ADCY1: variants seen among roughly 807,000 people sequenced by gnomAD.
The protein encoded by ADCY1 is adenylate cyclase 1, also known as adenylate cyclase type 1.
A neutral mutation model predicts 105.4 loss-of-function variants in ADCY1; 28 were observed. The ratio of observed to expected loss-of-function variants is 0.27; its 90% confidence interval spans 0.20 to 0.36. The LOEUF is 0.36. Ranked by LOEUF, ADCY1 falls within the 10% of genes least tolerant of loss-of-function variation. ADCY1 has a pLI of 1.00. For synonymous variants in ADCY1, 655 were observed against 623.8 expected (o/e 1.05, Z -0.75); for missense variants, 977 against 1,434.2 (o/e 0.68, Z 5.15).
intron 5 of ADCY1, among the ~76,000 whole-genome samples, chr7:45,651,886 G>C (rs1184007277): frequency 6.6e-6 from 1 of 152,132 alleles, no homozygotes; most frequent in Non-Finnish European, 1.5e-5. Flanking sequence ...ATTCTGAGTG[G>C]GCAGAGGAAA....
At position 45,715,189 on chromosome 7, in the gene ADCY1, A is replaced by C. The variant is rs1316219469; in HGVS notation, c.*1194A>C. 6.6e-6 allele frequency: 1 copy of C among 152,376 alleles called. No individual in the cohort carries two copies. The highest frequency in any genetic ancestry group is 1.5e-5 in the Non-Finnish European group (1 of 68,134). 9.4% of individuals were successfully genotyped at this position (152,376 alleles called of 1,614,324 possible). ...AATAAGGATGATGGGGACGGGGTCCAGGAGGGCCACTGGGAAGGCACTATC... is the reference window on the plus strand; with the variant it reads ...AATAAGGATGATGGGGACGGGGTCCCGGAGGGCCACTGGGAAGGCACTATC... On this transcript the variant is annotated 3_prime_UTR_variant, in exon 20 of 20. Coordinates refer to ENST00000297323, the MANE Select transcript of ADCY1 (RefSeq NM_021116.4).
intron 6 of ADCY1, among the ~76,000 whole-genome samples, chr7:45,658,843 G>A (rs1238377874): frequency 2.6e-5 from 4 of 152,218 alleles, no homozygotes; most frequent in Non-Finnish European, 5.9e-5. Flanking sequence ...CCCCTCCGGG[G>A]GGGCAGGAAG....
intron 7 of ADCY1, among the ~76,000 whole-genome samples, chr7:45,661,125 A>G (rs1275901253): frequency 6.6e-6 from 1 of 152,024 alleles, no homozygotes; most frequent in Non-Finnish European, 1.5e-5. Flanking sequence ...GTCATTGTGC[A>G]CCCCAGTGGA....
intron 3 of ADCY1, 132 bp from the exon 4 acceptor site, chr7:45,622,500 C>A: frequency 1.5e-6 from 1 of 662,432 alleles, no homozygotes; most frequent in Non-Finnish European, 2.6e-6. Flanking sequence ...GCCTTCATTT[C>A]TGGTCTGCAT....
Position 45,647,253 on chromosome 7 carries a change from G to A in ADCY1, c.1021-1417G>A, listed in dbSNP as rs920385115. Among the ~76,000 whole-genome samples, 4 of 152,248 alleles carry A rather than the reference G, an allele frequency of 2.6e-5. No homozygotes were observed. Among genetic ancestry groups the A allele is most frequent in the African/African-American group, 9.6e-5 (4 of 41,464 alleles). On this transcript the variant is annotated intron_variant, in intron 4 of 19. Transcript: ENST00000297323. This position sits in a 1 kb window ranked among gnomAD's most constrained non-coding sequence, Gnocchi z 4.6. ...CTAGGCCAATCCCTGCTCAGCCTGG[G>A]AACTGGGGCTCCCAGCGGTCGGTGT... is the stretch of plus-strand genomic sequence containing the variant.
rs190143068 is a variant in ADCY1, at chr7:45,720,192, A to G, written c.*6197A>G. On this transcript the variant is annotated 3_prime_UTR_variant, in exon 20 of 20. Transcript: ENST00000297323. ...TGACCTTCTTGGGTTGTGCTTCACA[A>G]TGGACTGGGAAAAACATCTTTGAAA... The G allele has an allele frequency of 4.6e-5, 7 of 152,260 alleles. No homozygotes were observed. Among genetic ancestry groups the G allele is most frequent in the Admixed American group, 6.5e-5 (1 of 15,286 alleles). The allele number at this position is 152,260 out of a possible 1,614,324, so 9.4% of individuals were successfully genotyped here.
chr7:45,583,246 T>C (rs568435227), intron 1 of ADCY1, among the ~76,000 whole-genome samples: 1 of 152,246 alleles, frequency 6.6e-6, no homozygotes, highest in Non-Finnish European at 1.5e-5. Context: ...CATGTGCATG[T>C]GTTTCCATGC....
chr7:45,670,713 C>A (rs1405868832), intron 8 of ADCY1, among the ~76,000 whole-genome samples: 1 of 151,896 alleles, frequency 6.6e-6, no homozygotes, highest in Non-Finnish European at 1.5e-5. Flanking sequence ...GGATCTGTGT[C>A]CCTCAGTCCC....
chr7:45,575,208 C>G lies in ADCY1; in HGVS notation c.639+26C>G, dbSNP rs199544733. On this transcript the variant is annotated intron_variant, in intron 1 of 19. Coordinates refer to ENST00000297323, the MANE Select transcript of ADCY1 (RefSeq NM_021116.4). The surrounding 1 kb of genome is among the most constrained non-coding windows in gnomAD (Gnocchi z 4.7). ...GTAAGTGCAGCCGCGCACCCCTCAT[C>G]TGGTCTCGGACACACTTGCTGGGAC... is the stretch of plus-strand genomic sequence containing the variant. 7.3e-5 allele frequency: 114 copies of G among 1,558,042 alleles called. No individual in the cohort carries two copies. The African/African-American group carries it at 1.3e-3, about 18-fold the overall frequency.
chr7:45,582,521 G>A (rs1461371709), intron 1 of ADCY1, among the ~76,000 whole-genome samples: 1 of 124,478 alleles, frequency 8.0e-6, no homozygotes, highest in Admixed American at 1.1e-4. Context: ...GGGGCTGTCT[G>A]CCACTCGGCT....
chr7:45,701,425 T>C (rs1784992512), intron 14 of ADCY1, among the ~76,000 whole-genome samples: 3 of 152,154 alleles, frequency 2.0e-5, no homozygotes, highest in African/African-American at 7.2e-5. Flanking sequence ...TAAATCACAA[T>C]GCCATAAACC....
chr7:45,687,700 C>T (rs1318307604), intron 14 of ADCY1, among the ~76,000 whole-genome samples: 2 of 152,238 alleles, frequency 1.3e-5, no homozygotes, highest in Non-Finnish European at 2.9e-5. Flanking sequence ...CAGAACAGCA[C>T]TGCCTAGGAG....
chr7:45,663,743 C>T (rs955282017), intron 8 of ADCY1, among the ~76,000 whole-genome samples: 7 of 151,830 alleles, frequency 4.6e-5, no homozygotes, highest in Non-Finnish European at 7.4e-5. Flanking sequence ...CGCTTTAACC[C>T]GGGAGGTGGA....
In ADCY1 at chr7:45,704,559, G is replaced by A. The variant is rs1337439258; in HGVS notation, c.2760G>A (p.Lys920=). 1.2e-6 allele frequency: 2 copies of A among 1,614,106 alleles called. No individual in the cohort carries two copies. The highest frequency in any genetic ancestry group is 3.3e-5 in the Admixed American group (2 of 60,004). Residue 920 remains lysine (K), a synonymous_variant, in exon 17 of 20, where the codon AAG becomes AAA. Transcript: ENST00000297323. ...TTTACAAGGACATAGAGAAGATCAA[G>A]ACCATCGGGAGCACCTACATGGCCG... ...KDFYKDIEKI[K]TIGSTYMAAV...
chr7:45,710,764 C>A lies in ADCY1; in HGVS notation c.3057+112C>A. 1 of 1,374,202 alleles carries A rather than the reference C, an allele frequency of 7.3e-7. No individual in the cohort carries two copies. Among genetic ancestry groups the A allele is most frequent in the Non-Finnish European group, 9.7e-7 (1 of 1,029,432 alleles). The allele number at this position is 1,374,202 out of a possible 1,614,324, so 85.1% of individuals were successfully genotyped here. On this transcript the variant is annotated intron_variant, in intron 19 of 19. Transcript: ENST00000297323. The surrounding 1 kb of genome is among the most constrained non-coding windows in gnomAD (Gnocchi z 4.7). ...AGTCTACAGCCCGTAAGTGGCAGGG[C>A]AGAAAGAGCTGCATATTTCGGTCTG...
intron 18 of ADCY1, among the ~76,000 whole-genome samples, chr7:45,709,429 C>T (rs773473089): frequency 2.6e-5 from 4 of 152,214 alleles, no homozygotes; most frequent in Non-Finnish European, 5.9e-5. Flanking sequence ...CCCATCAGGC[C>T]GGTGCTAGCC....
chr7:45,610,524 C>A (rs200713080), intron 3 of ADCY1, 27 bp downstream of exon 3: 2 of 1,591,042 alleles, frequency 1.3e-6, no homozygotes, highest in East Asian at 2.2e-5. Context: ...CCCGGCACAG[C>A]GGGGAGCCTG....
intron 2 of ADCY1, among the ~76,000 whole-genome samples, chr7:45,606,261 G>T (rs113553361): frequency 0.031 from 4,754 of 151,078 alleles, 101 homozygotes; most frequent in African/African-American, 0.056. Flanking sequence ...TTGATTGGGG[G>T]CCCCTTCACA....
At chr7:45,690,304 C>T (rs1167323869) in intron 14 of ADCY1, among the ~76,000 whole-genome samples, 1 of 152,136 alleles carries the variant, frequency 6.6e-6, no homozygotes, top group African/African-American at 2.4e-5. Context: ...CCTTATGATG[C>T]TTGGACTATT....
Sources: allele counts gnomAD v4.1 joint callset (sites outside exome capture counted in the v4.1 genomes callset), GRCh38; gene constraint gnomAD v4.1.1; non-coding constraint Gnocchi (gnomAD v3.1); transcripts MANE v1.5; gene names NCBI Gene and HGNC (gene_info 2026-07-23, HGNC 2026-07-21).